MRPL22: variants seen among roughly 807,000 people sequenced by gnomAD.
MRPL22 encodes the protein mitochondrial ribosomal protein L22, also known as large ribosomal subunit protein uL22m.
In MRPL22, 27 loss-of-function variants were observed where a neutral mutation model predicts 32.4. That is an observed-to-expected ratio of 0.83 (90% CI 0.61 to 1.15). MRPL22 has a LOEUF of 1.15. Among genes scored for constraint, MRPL22 ranks in the 50% most tolerant of loss-of-function variants. MRPL22 has a pLI of 0.00. For synonymous variants in MRPL22, 86 were observed against 87.3 expected (o/e 0.99, Z 0.08); for missense variants, 239 against 260.2 (o/e 0.92, Z 0.56).
chr5:154,953,246 C>T (rs1192552704), intron 3 of MRPL22, among the ~76,000 whole-genome samples: 3 of 150,962 alleles, frequency 2.0e-5, no homozygotes. Context: ...GTCCCAGCTA[C>T]TGGGAGGCTG....
chr5:154,953,703 T>C (rs1764595951), intron 3 of MRPL22, among the ~76,000 whole-genome samples: 1 of 149,956 alleles, frequency 6.7e-6, no homozygotes, highest in South Asian at 2.1e-4. Context: ...TTTTTTTTTT[T>C]TGAGACAGGG....
chr5:154,954,007 T>G (rs1231558644), intron 3 of MRPL22, among the ~76,000 whole-genome samples: 8 of 151,374 alleles, frequency 5.3e-5, no homozygotes, highest in Non-Finnish European at 8.8e-5. Context: ...TTTTTTTTTT[T>G]GAGACAGGGT....
Position 154,968,762 on chromosome 5 carries a change from T to C in MRPL22, c.*1865T>C, listed in dbSNP as rs1764806976. 1 of 152,082 alleles carries C rather than the reference T, an allele frequency of 6.6e-6. No homozygotes were observed. The highest frequency in any genetic ancestry group is 1.5e-5 in the Non-Finnish European group (1 of 68,026). 9.4% of individuals were successfully genotyped at this position (152,082 alleles called of 1,614,324 possible). On this transcript the variant is annotated 3_prime_UTR_variant, in exon 7 of 7. Coordinates refer to ENST00000523037, the MANE Select transcript of MRPL22 (RefSeq NM_014180.4). The stretch of plus-strand genomic sequence containing the variant: ...GTGCCATGGACATCATAAATATAAA[T>C]TATGTAAGTGAAGGCACTGCTTCAG...
chr5:154,955,443 G>A (rs1764618498), intron 3 of MRPL22: 1 of 152,084 alleles, frequency 6.6e-6, no homozygotes, highest in African/African-American at 2.4e-5. Flanking sequence ...AAAGAAAGTG[G>A]GTTTTAGAGT....
chr5:154,959,958 GC>G, intron 5 of MRPL22, 21 bp from the exon 6 acceptor site: 1 of 1,582,090 alleles, frequency 6.3e-7, no homozygotes, highest in Non-Finnish European at 8.6e-7. Context: ...CCGTATAAAT[GC>G]TTTTCTTTTT....
chr5:154,950,885 A>G lies in MRPL22; in HGVS notation c.142A>G (p.Lys48Glu). ...TGACATTTCTCGAAAATGGGAGAAGAAGAATAAAATTGTTTATCCTCCACA... is the reference window on the plus strand; with the variant it reads ...TGACATTTCTCGAAAATGGGAGAAGGAGAATAAAATTGTTTATCCTCCACA... The part of the protein sequence containing the change: ...SLDISRKWEK[K>E]NKIVYPPQLP... Residue 48 changes from lysine (K) to glutamate (E), a missense_variant, in exon 3 of 7, where the codon AAG (lysine) becomes GAG (glutamate). Coordinates refer to ENST00000523037, the MANE Select transcript of MRPL22 (RefSeq NM_014180.4). 6.2e-7 allele frequency: 1 copy of G among 1,613,974 alleles called. No individual in the cohort carries two copies. The highest frequency in any genetic ancestry group is 1.3e-5 in the African/African-American group (1 of 75,056).
chr5:154,958,780 C>G (rs1339032266), intron 5 of MRPL22, among the ~76,000 whole-genome samples: 2 of 151,756 alleles, frequency 1.3e-5, no homozygotes, highest in South Asian at 4.2e-4. Flanking sequence ...CTCTTGACCT[C>G]ATGATCTGCC....
intron 4 of MRPL22, 57 bp from the exon 5 acceptor site, chr5:154,957,078 A>C (rs1764639941): frequency 6.9e-7 from 1 of 1,459,370 alleles, no homozygotes; most frequent in Non-Finnish European, 9.5e-7. Flanking sequence ...ATTGAAAAGG[A>C]AACATTGACT....
At position 154,957,223 on chromosome 5, in the gene MRPL22, A is replaced by C. The variant is rs1463401967; in HGVS notation, c.339+11A>C. On this transcript the variant is annotated intron_variant, in intron 5 of 6. Coordinates refer to ENST00000523037, the MANE Select transcript of MRPL22 (RefSeq NM_014180.4). Reference sequence around the variant, plus strand: ...AAAATAATTAAAGAGGTAAACTTACAAGTTTGGGTGTGGTAGGGAATGGGG... The same window carrying C: ...AAAATAATTAAAGAGGTAAACTTACCAGTTTGGGTGTGGTAGGGAATGGGG... The C allele has an allele frequency of 6.2e-7, 1 of 1,607,480 alleles. No individual in the cohort carries two copies. The highest frequency in any genetic ancestry group is 2.2e-5 in the East Asian group (1 of 44,836).
rs572254754 is a variant in MRPL22 at position 154,958,437 on chromosome 5, C to T, written c.339+1225C>T. Among the ~76,000 whole-genome samples the T allele has an allele frequency of 9.5e-5, 14 of 148,126 alleles. No individual in the cohort carries two copies. The South Asian group carries it at 3.0e-3, about 31-fold the overall frequency. ...TGCTTTGATTTTGCTATATTCAATT[C>T]AGAATGCATTTACAAGTGTTTGTTG... On this transcript the variant is annotated intron_variant, in intron 5 of 6. Transcript: ENST00000523037.
chr5:154,942,107 T>A lies in MRPL22; in HGVS notation c.77+842T>A, dbSNP rs552810954. On this transcript the variant is annotated intron_variant, in intron 2 of 6. Transcript: ENST00000523037. ...ATCTCTTAGGATTTAAAAAATTTTT[T>A]AATTTTTATTTATTTATTTTTTTAG... Among the ~76,000 whole-genome samples, 64 of 152,260 alleles carry A rather than the reference T, an allele frequency of 4.2e-4. No homozygotes were observed. The Middle Eastern group carries it at 0.024, about 57-fold the overall frequency.
At position 154,968,225 on chromosome 5, in the gene MRPL22, C is replaced by G. The variant is rs1231506440; in HGVS notation, c.*1328C>G. On this transcript the variant is annotated 3_prime_UTR_variant, in exon 7 of 7. Coordinates refer to ENST00000523037, the MANE Select transcript of MRPL22 (RefSeq NM_014180.4). ...TTCTGCATACCTTTTGAGTATACAG[C>G]TGGGTTTTTGTGTCTCTCCAGTTAA... 6.6e-6 allele frequency: 1 copy of G among 152,176 alleles called. No individual in the cohort carries two copies. Among genetic ancestry groups the G allele is most frequent in the Middle Eastern group, 3.2e-3 (1 of 316 alleles). 9.4% of individuals were successfully genotyped at this position (152,176 alleles called of 1,614,324 possible). A position where few individuals can be genotyped will look rare whatever the true frequency, so the allele number is the denominator to read the frequency against.
chr5:154,956,109 A>C, intron 3 of MRPL22: 1 of 343,948 alleles, frequency 2.9e-6, no homozygotes, highest in Non-Finnish European at 5.2e-6. Context: ...TTGGATAGAA[A>C]TGTTGCAAGT....
intron 3 of MRPL22, among the ~76,000 whole-genome samples, chr5:154,952,151 G>A (rs990499302): frequency 6.6e-6 from 1 of 152,136 alleles, no homozygotes; most frequent in Non-Finnish European, 1.5e-5. Flanking sequence ...AAAGTGCTGG[G>A]ATTACAGGCG....
At chr5:154,956,224 C>G (rs1365386487) in intron 3 of MRPL22, 147 bp from the exon 4 acceptor site, 2 of 633,198 alleles carry the variant, frequency 3.2e-6, no homozygotes, top group African/African-American at 1.9e-5. Context: ...AAAATAATCT[C>G]TAAATTCTTA....
At chr5:154,954,238 C>T (rs1764602961) in intron 3 of MRPL22, among the ~76,000 whole-genome samples, 1 of 152,166 alleles carries the variant, frequency 6.6e-6, no homozygotes. Flanking sequence ...AATCTTCCTG[C>T]CTCGGCCTCC....
chr5:154,965,145 T>A (rs183778293), intron 6 of MRPL22, among the ~76,000 whole-genome samples: 2 of 152,180 alleles, frequency 1.3e-5, no homozygotes, highest in Non-Finnish European at 2.9e-5. Context: ...GCTAGGAAGC[T>A]TCTGCTGAAA....
At chr5:154,951,976 G>T (rs1236924290) in intron 3 of MRPL22, among the ~76,000 whole-genome samples, 1 of 149,480 alleles carries the variant, frequency 6.7e-6, no homozygotes, top group Non-Finnish European at 1.5e-5. Context: ...TCTGCCTCCC[G>T]GGTTCACGCC....
chr5:154,962,761 T>G (rs1039685322), intron 6 of MRPL22, among the ~76,000 whole-genome samples: 1 of 152,156 alleles, frequency 6.6e-6, no homozygotes, highest in African/African-American at 2.4e-5. Flanking sequence ...TGCTTAGTGA[T>G]TCATGGCATC....
Sources: gnomAD v4.1 joint callset for allele counts (sites outside exome capture counted in the v4.1 genomes callset) on GRCh38, gnomAD v4.1.1 for gene constraint, MANE v1.5 for transcripts, NCBI Gene and HGNC (gene_info 2026-07-23, HGNC 2026-07-21) for gene names.